Variants in FAM167A observed in about 807,000 individuals in gnomAD.
FAM167A encodes family with sequence similarity 167 member A, also known as protein FAM167A.
Under a neutral mutation model 14.9 loss-of-function variants are expected in FAM167A, and 23 were observed. The observed-to-expected ratio is 1.55, with a 90% CI of 1.11 to 2.19. FAM167A has a LOEUF of 2.19. Ranked by LOEUF, FAM167A falls within the 30% of genes most tolerant of loss-of-function variation. The pLI, the probability that FAM167A is intolerant of heterozygous loss-of-function variation, is 0.00. For synonymous variants in FAM167A, 174 were observed against 117.7 expected, an observed-to-expected ratio of 1.48 and a Z score of -3.10; for missense variants, 401 against 281.5, an observed-to-expected ratio of 1.42 and a Z score of -3.04.
intron 2 of FAM167A, among the ~76,000 whole-genome samples, chr8:11,428,448 A>G (rs766152746): frequency 2.6e-5 from 4 of 152,206 alleles, no homozygotes; most frequent in Non-Finnish European, 4.4e-5. Context: ...ACATGCATTC[A>G]ATTCTGCGTA....
intron 1 of FAM167A, among the ~76,000 whole-genome samples, chr8:11,473,849 GTTTCTT>G (rs1291442429): frequency 1.3e-5 from 2 of 151,934 alleles, no homozygotes; most frequent in Admixed American, 6.6e-5. Flanking sequence ...TTTTTTGTTT[GTTTCTT>G]TTTCTTTTTC....
At chr8:11,470,369 C>G (rs1032716922), upstream of FAM167A, among the ~76,000 whole-genome samples, 1 of 152,072 alleles carries the variant, frequency 6.6e-6, no homozygotes, top group African/African-American at 2.4e-5. Context: ...AACAAACGTG[C>G]CTGCCACAAT....
intron 2 of FAM167A, among the ~76,000 whole-genome samples, chr8:11,426,973 CATTGCCAGGGTGAA>C (rs1805214768): frequency 6.6e-6 from 1 of 152,240 alleles, no homozygotes; most frequent in Admixed American, 6.5e-5. Flanking sequence ...TGTCAATTTA[CATTGCCAGGGTGAA>C]ATTCAACAGA....
chr8:11,443,223 T>TG (rs888580090), intron 2 of FAM167A, among the ~76,000 whole-genome samples: 73 of 152,190 alleles, frequency 4.8e-4, no homozygotes, highest in Non-Finnish European at 9.7e-4. Flanking sequence ...GATTCTCCCC[T>TG]GGGGGGGTGG....
chr8:11,444,475 G>A lies in FAM167A; in HGVS notation c.-64C>T. 6.7e-7 allele frequency: 1 copy of A among 1,501,778 alleles called. No individual in the cohort carries two copies. The highest frequency in any genetic ancestry group is 8.9e-7 in the Non-Finnish European group (1 of 1,129,236). The allele number at this position is 1,501,778 out of a possible 1,614,324, so 93.0% of individuals were successfully genotyped here. On this transcript the variant is annotated 5_prime_UTR_variant, in exon 2 of 3. Coordinates refer to ENST00000284486, the MANE Select transcript of FAM167A (RefSeq NM_053279.3). Reference sequence around the variant, plus strand: ...GGGGGGCGCAGGGGGAGGCTTGGTGGGTGGCACAGTTGGGTCCCGCTCTGG... The same window carrying A: ...GGGGGGCGCAGGGGGAGGCTTGGTGAGTGGCACAGTTGGGTCCCGCTCTGG...
At chr8:11,442,655 C>G (rs1405935609) in intron 2 of FAM167A, among the ~76,000 whole-genome samples, 1 of 149,612 alleles carries the variant, frequency 6.7e-6, no homozygotes, top group South Asian at 2.1e-4. Context: ...TGTGCGCGGT[C>G]TGTCCTGGGG....
At chr8:11,426,815 G>A (rs879906096) in intron 2 of FAM167A, among the ~76,000 whole-genome samples, 3 of 152,174 alleles carry the variant, frequency 2.0e-5, no homozygotes, top group Non-Finnish European at 4.4e-5. Context: ...AAAGTCACTT[G>A]TGTCTTAGTC....
chr8:11,437,276 T>TAATCGTGCCTACCCG (rs1806086969), intron 2 of FAM167A, among the ~76,000 whole-genome samples: 1 of 152,146 alleles, frequency 6.6e-6, no homozygotes, highest in Non-Finnish European at 1.5e-5. Context: ...ATGGGGATAG[T>TAATCGTGCCTACCCG]AATCGTGCCT....
At chr8:11,424,756 A>T in intron 2 of FAM167A, 120 bp from the exon 3 acceptor site, 2 of 1,388,460 alleles carry the variant, frequency 1.4e-6, no homozygotes, top group Non-Finnish European at 1.9e-6. Context: ...ATCTAGAAAT[A>T]TTAGCACTTT....
At chr8:11,459,762 T>C (rs527625657) in intron 1 of FAM167A, among the ~76,000 whole-genome samples, 60 of 152,360 alleles carry the variant, frequency 3.9e-4, no homozygotes, top group Non-Finnish European at 6.2e-4. Context: ...TCACCCAGGC[T>C]GGAATGCAGC....
chr8:11,468,398 C>T (rs1418994397), upstream of FAM167A, among the ~76,000 whole-genome samples: 2 of 152,228 alleles, frequency 1.3e-5, no homozygotes, highest in Non-Finnish European at 2.9e-5. Flanking sequence ...AAGGGAACCC[C>T]AGGTTACAGG....
In FAM167A at chr8:11,424,234, G is replaced by C; in HGVS notation, c.*139C>G. The C allele has an allele frequency of 9.0e-7, 1 of 1,111,654 alleles. No individual in the cohort carries two copies. Among genetic ancestry groups the C allele is most frequent in the Non-Finnish European group, 1.3e-6 (1 of 785,526 alleles). 68.9% of individuals were successfully genotyped at this position (1,111,654 alleles called of 1,614,324 possible). On this transcript the variant is annotated 3_prime_UTR_variant, in exon 3 of 3. Coordinates refer to ENST00000284486, the MANE Select transcript of FAM167A (RefSeq NM_053279.3). ...TGGGTGGGAGAGCACCACTGAATAG[G>C]TCCTGGGGCCCTTGAGTCGCCAGTC...
At chr8:11,441,340 G>C (rs1806424468) in intron 2 of FAM167A, among the ~76,000 whole-genome samples, 1 of 152,202 alleles carries the variant, frequency 6.6e-6, no homozygotes, top group Non-Finnish European at 1.5e-5. Flanking sequence ...CCCTAAGTGT[G>C]GCCCAGGGAC....
intron 1 of FAM167A, among the ~76,000 whole-genome samples, chr8:11,462,776 C>CTCG (rs146459994): frequency 0.037 from 5,639 of 152,286 alleles, 323 homozygotes; most frequent in African/African-American, 0.13. Flanking sequence ...CAGCCACTGC[C>CTCG]TCGAAGCAGA....
chr8:11,447,589 G>A (rs146688580), intron 1 of FAM167A, among the ~76,000 whole-genome samples: 340 of 152,308 alleles, frequency 2.2e-3, no homozygotes, highest in South Asian at 9.5e-3. Flanking sequence ...AGAGGCAGGC[G>A]GGATCACCCC....
At chr8:11,435,369 G>C (rs1165068795) in intron 2 of FAM167A, among the ~76,000 whole-genome samples, 1 of 152,228 alleles carries the variant, frequency 6.6e-6, no homozygotes, top group African/African-American at 2.4e-5. Flanking sequence ...TTTATCATGT[G>C]TCTAGATGAC....
rs117005175 is a variant in FAM167A, at chr8:11,439,968, G to C, written c.381+4063C>G. 8.6e-3 allele frequency among the ~76,000 whole-genome samples: 1,315 copies of C among 152,256 alleles called. 9 individuals are homozygous for C. Among genetic ancestry groups the C allele is most frequent in the Non-Finnish European group, 0.015 (990 of 68,006 alleles). The stretch of plus-strand genomic sequence containing the variant: ...GCTCTGAATTCCGGACTCAGCTAGA[G>C]AGGAGAGAATCCCACAGCTCCAGAT... On this transcript the variant is annotated intron_variant, in intron 2 of 2. Transcript: ENST00000284486.
chr8:11,471,135 C>T (rs989636655), upstream of FAM167A, among the ~76,000 whole-genome samples: 18 of 152,146 alleles, frequency 1.2e-4, no homozygotes, highest in Non-Finnish European at 2.4e-4. Context: ...ACAGATTCCA[C>T]CTGAGCCTAG....
chr8:11,428,541 T>C (rs946435318), intron 2 of FAM167A, among the ~76,000 whole-genome samples: 11 of 152,136 alleles, frequency 7.2e-5, no homozygotes, highest in Non-Finnish European at 1.6e-4. Flanking sequence ...TGAGAGAACA[T>C]GAGGAGGGGG....
Sources: gnomAD v4.1 joint callset for allele counts (sites outside exome capture counted in the v4.1 genomes callset) on GRCh38, gnomAD v4.1.1 for gene constraint, MANE v1.5 for transcripts, NCBI Gene and HGNC (gene_info 2026-07-23, HGNC 2026-07-21) for gene names.